MYOF: variants seen among roughly 807,000 people sequenced by gnomAD.
MYOF encodes myoferlin.
In MYOF, 244 loss-of-function variants were observed where a neutral mutation model predicts 284.2. The ratio of observed to expected loss-of-function variants is 0.86; its 90% confidence interval spans 0.77 to 0.95. MYOF has a LOEUF of 0.95. Ranked by LOEUF, MYOF falls within the 40% of genes least tolerant of loss-of-function variation. The pLI is 0.00. For synonymous variants in MYOF, 904 were observed against 919.7 expected (o/e 0.98, Z 0.31); for missense variants, 2,496 against 2,560.6 (o/e 0.97, Z 0.54).
At chr10:93,470,181 A>G (rs990850107) in intron 1 of MYOF, among the ~76,000 whole-genome samples, 2 of 150,696 alleles carry the variant, frequency 1.3e-5, no homozygotes, top group Admixed American at 6.6e-5. Flanking sequence ...GTGAGCTGAG[A>G]TCACGTGACT....
intron 39 of MYOF, chr10:93,338,600 A>G: frequency 2.3e-6 from 1 of 439,566 alleles, no homozygotes; most frequent in Admixed American, 2.5e-5. Context: ...GAAAATTATA[A>G]AACGTGAAAC....
chr10:93,312,876 C>G (rs959082265), intron 51 of MYOF, 144 bp downstream of exon 51: 1 of 856,956 alleles, frequency 1.2e-6, no homozygotes, highest in African/African-American at 1.7e-5. Flanking sequence ...AAACATATCC[C>G]AAAGACAAAC....
Position 93,366,432 on chromosome 10 carries a change from A to T in MYOF, c.2713T>A (p.Trp905Arg). ...KREFFLPPKG[W>R]EWEGEWIVDP... ...ACTATCCACTCTCCTTCCCATTCCC[A>T]GCCTTTTGGAGGCAGAAAAAATTCC... The change falls in exon 26 of 54, where the codon TGG (tryptophan) becomes AGG (arginine). Residue 905 changes from tryptophan (W) to arginine (R), a missense_variant. By Grantham distance (101) the Trp-to-Arg change is moderately radical (BLOSUM62 -3). This residue lies in a region of MYOF where 2,436 missense variants were observed against 2,480.7 expected (regional missense o/e 0.98). Transcript: ENST00000359263. 2 of 1,613,920 alleles carry T rather than the reference A, an allele frequency of 1.2e-6. No individual in the cohort carries two copies. The highest frequency in any genetic ancestry group is 1.7e-6 in the Non-Finnish European group (2 of 1,179,982).
chr10:93,329,117 T>C (rs989643110), intron 44 of MYOF, among the ~76,000 whole-genome samples: 4 of 152,198 alleles, frequency 2.6e-5, no homozygotes, highest in Non-Finnish European at 4.4e-5. Context: ...AATGTATTTA[T>C]TTATTTAATA....
At chr10:93,419,717 A>G (rs1358344099) in intron 5 of MYOF, among the ~76,000 whole-genome samples, 1 of 152,210 alleles carries the variant, frequency 6.6e-6, no homozygotes, top group African/African-American at 2.4e-5. Flanking sequence ...GGCTATAGTT[A>G]TTCATGTTTA....
intron 38 of MYOF, among the ~76,000 whole-genome samples, chr10:93,343,336 C>T (rs1430160123): frequency 6.6e-6 from 1 of 152,130 alleles, no homozygotes; most frequent in Non-Finnish European, 1.5e-5. Context: ...ACCTGGGTGT[C>T]CCATACACTG....
chr10:93,402,432 C>T, intron 10 of MYOF, 85 bp from the exon 11 acceptor site: 2 of 1,117,596 alleles, frequency 1.8e-6, no homozygotes, highest in Admixed American at 1.8e-5. Context: ...AGATAAGCTG[C>T]ATTTTCTTGG....
chr10:93,394,907 T>A (rs1419075053), intron 16 of MYOF, among the ~76,000 whole-genome samples: 1 of 150,862 alleles, frequency 6.6e-6, no homozygotes, highest in East Asian at 1.9e-4. Flanking sequence ...TATATATGCA[T>A]GTATATATAG....
Position 93,351,359 on chromosome 10 carries a change from A to T in MYOF, c.3822+54T>A. On this transcript the variant is annotated intron_variant, in intron 34 of 53. Transcript: ENST00000359263. ...GTTCAAGCAAACAGTGCCTAGAATT[A>T]ACATGCATTTTAAGCAGCTGACAGA... 3 of 1,609,932 alleles carry T rather than the reference A, an allele frequency of 1.9e-6. No homozygotes were observed. In the South Asian group the frequency reaches 3.3e-5, roughly 18 times the overall value.
intron 17 of MYOF, among the ~76,000 whole-genome samples, chr10:93,391,721 G>A (rs1168590560): frequency 6.6e-6 from 1 of 152,146 alleles, no homozygotes; most frequent in African/African-American, 2.4e-5. Flanking sequence ...CAATGTCCTT[G>A]CTGAAAAGCC....
intron 1 of MYOF, among the ~76,000 whole-genome samples, chr10:93,478,840 A>AAAGAAAGAAAGAAAGAAAGAAAGAAAG (rs1564748718): frequency 2.4e-4 from 19 of 78,078 alleles, no homozygotes; most frequent in African/African-American, 9.7e-4. Flanking sequence ...AAAAAAAAAA[A>AAAGAAAGAAAGAAAGAAAGAAAGAAAG]AAAGAAAGAA....
At chr10:93,336,614 T>A (rs897648511) in intron 40 of MYOF, among the ~76,000 whole-genome samples, 1 of 152,190 alleles carries the variant, frequency 6.6e-6, no homozygotes, top group Non-Finnish European at 1.5e-5. Flanking sequence ...ACGGGGAAGT[T>A]TTCTGTGGGA....
At chr10:93,412,453 T>C (rs1021362441) in intron 5 of MYOF, among the ~76,000 whole-genome samples, 1 of 152,150 alleles carries the variant, frequency 6.6e-6, no homozygotes, top group African/African-American at 2.4e-5. Context: ...TTCATCCTAC[T>C]CTCTACCAGG....
intron 28 of MYOF, among the ~76,000 whole-genome samples, chr10:93,360,328 C>G (rs946716962): frequency 1.3e-5 from 2 of 152,348 alleles, no homozygotes; most frequent in South Asian, 4.1e-4. Flanking sequence ...GGTTCAAATC[C>G]TAGCATCGCC....
intron 1 of MYOF, among the ~76,000 whole-genome samples, chr10:93,468,444 C>G (rs1054970431): frequency 6.6e-6 from 1 of 152,268 alleles, no homozygotes; most frequent in African/African-American, 2.4e-5. Flanking sequence ...GGAATCAGAA[C>G]TATCAACTGC....
At chr10:93,308,240 C>T (rs1842215398) in intron 53 of MYOF, among the ~76,000 whole-genome samples, 1 of 32,312 alleles carries the variant, frequency 3.1e-5, no homozygotes, top group Non-Finnish European at 1.1e-4. Flanking sequence ...AAAACCCCAT[C>T]TCAAAAAAAA....
chr10:93,409,630 C>A lies in MYOF; in HGVS notation c.543G>T (p.Arg181Ser). The A allele has an allele frequency of 6.2e-7, 1 of 1,614,186 alleles. No homozygotes were observed. Among genetic ancestry groups the A allele is most frequent in the Non-Finnish European group, 8.5e-7 (1 of 1,180,034 alleles). Residue 181 changes from arginine (R) to serine (S), a missense_variant, in exon 6 of 54, where the codon AGG (arginine) becomes AGT (serine). Coordinates refer to ENST00000359263, the MANE Select transcript of MYOF (RefSeq NM_013451.4). ...GCCGGCTGTTCTTTACTTTGGTGAG[C>A]CTCCGAGCAAGCTGAGCTTCCGACA... ...GTVSEAQLAR[R>S]LTKVKNSRRM...
intron 10 of MYOF, 43 bp downstream of exon 10, chr10:93,402,817 A>G: frequency 4.6e-6 from 7 of 1,537,622 alleles, no homozygotes; most frequent in Non-Finnish European, 6.3e-6. Flanking sequence ...AGTTAGAAGG[A>G]ATGAATTTAA....
intron 45 of MYOF, 132 bp downstream of exon 45, chr10:93,328,631 G>T (rs1361027966): frequency 2.3e-6 from 2 of 873,768 alleles, no homozygotes; most frequent in Non-Finnish European, 3.4e-6. Context: ...CGTGGCTGTT[G>T]TTAGTGTCAC....
Sources: gnomAD v4.1 joint callset for allele counts (sites outside exome capture counted in the v4.1 genomes callset) on GRCh38, gnomAD v4.1.1 for gene constraint, gnomAD v4.1.1 regional missense constraint, MANE v1.5 for transcripts, NCBI Gene and HGNC (gene_info 2026-07-23, HGNC 2026-07-21) for gene names.